The following TMCC1 variants were observed in gnomAD, a reference collection of about 807,000 sequenced individuals.
TMCC1 encodes transmembrane and coiled-coil domains protein 1.
Under a neutral mutation model 52.4 loss-of-function variants are expected in TMCC1, and 15 were observed. The ratio of observed to expected loss-of-function variants is 0.29; its 90% confidence interval spans 0.19 to 0.44. The LOEUF (loss-of-function observed/expected upper bound fraction) is 0.44. Ranked by LOEUF, TMCC1 falls within the 20% of genes least tolerant of loss-of-function variation. The probability of loss-of-function intolerance (pLI) is 1.00; values close to 1 mark genes in which losing one functional copy is unlikely to be tolerated. For synonymous variants in TMCC1, 279 were observed against 301.9 expected, an observed-to-expected ratio of 0.92 and a Z score of 0.79; for missense variants, 503 against 806.0, an observed-to-expected ratio of 0.62 and a Z score of 4.55.
intron 4 of TMCC1, among the ~76,000 whole-genome samples, chr3:129,676,266 A>T (rs1258746350): frequency 1.3e-5 from 2 of 152,148 alleles, no homozygotes; most frequent in African/African-American, 4.8e-5. Flanking sequence ...AGCTGATATT[A>T]GAATTTGTAA....
chr3:129,732,079 G>A (rs991842989), intron 4 of TMCC1, among the ~76,000 whole-genome samples: 1 of 152,152 alleles, frequency 6.6e-6, no homozygotes, highest in Non-Finnish European at 1.5e-5. Flanking sequence ...AATATTTTGT[G>A]TAGACTGGCA....
chr3:129,889,573 ACT>A (rs1186401038), intron 1 of TMCC1, among the ~76,000 whole-genome samples: 4 of 152,164 alleles, frequency 2.6e-5, no homozygotes, highest in Admixed American at 6.5e-5. Context: ...ATAGGCAGGA[ACT>A]CTGCAGTATC....
chr3:129,875,490 C>CAAAAAA (rs370431347), intron 2 of TMCC1, among the ~76,000 whole-genome samples: 7 of 17,316 alleles, frequency 4.0e-4, no homozygotes, highest in African/African-American at 8.1e-4. Context: ...GACTCCATCT[C>CAAAAAA]AAAAAAAAAA....
rs949284198 is a variant in TMCC1 at position 129,648,654 on chromosome 3, G to A, written c.*2827C>T. 2.0e-5 allele frequency: 3 copies of A among 151,406 alleles called. No individual in the cohort carries two copies. Among genetic ancestry groups the A allele is most frequent in the African/African-American group, 4.8e-5 (2 of 41,288 alleles). 9.4% of individuals were successfully genotyped at this position (151,406 alleles called of 1,614,324 possible). ...AGGCATGGACAAATAAACCAGGAAT[G>A]TTTCATTTTAAAGGGAATGAATACA... On this transcript the variant is annotated 3_prime_UTR_variant, in exon 7 of 7. Coordinates refer to ENST00000393238, the MANE Select transcript of TMCC1 (RefSeq NM_001017395.5).
chr3:129,836,542 G>C (rs73866136), intron 2 of TMCC1, among the ~76,000 whole-genome samples: 1,879 of 152,280 alleles, frequency 0.012, 30 homozygotes, highest in African/African-American at 0.043. Context: ...GGTTCAAAAA[G>C]AGCTGGGAGG....
chr3:129,738,748 T>C (rs1261462689), intron 4 of TMCC1, among the ~76,000 whole-genome samples: 2 of 152,246 alleles, frequency 1.3e-5, no homozygotes, highest in Non-Finnish European at 1.5e-5. Flanking sequence ...AAGAATAGAA[T>C]TTATCTCCAC....
chr3:129,687,307 A>C (rs2108938470), intron 4 of TMCC1, among the ~76,000 whole-genome samples: 1 of 152,346 alleles, frequency 6.6e-6, no homozygotes, highest in East Asian at 1.9e-4. Flanking sequence ...TAGAAAAAAA[A>C]CATAAGAAAT....
chr3:129,667,354 T>C (rs1038041503), intron 5 of TMCC1, among the ~76,000 whole-genome samples: 6 of 152,120 alleles, frequency 3.9e-5, no homozygotes, highest in Admixed American at 1.3e-4. Flanking sequence ...GAAATCTCTA[T>C]CTGCTTTATA....
rs143795995 is a variant in TMCC1 at position 129,697,803 on chromosome 3, C to T, written c.577-26539G>A. 1.1e-4 allele frequency among the ~76,000 whole-genome samples: 16 copies of T among 152,316 alleles called. No individual in the cohort carries two copies. The East Asian group carries it at 3.1e-3, about 29-fold the overall frequency. ...TAACACATAACAAGAGTCACCTTTG[C>T]TCTCGTTGTCAACAAGTTCCTCATC... On this transcript the variant is annotated intron_variant, in intron 4 of 6. Transcript: ENST00000393238.
rs144793107 is a variant in TMCC1, at chr3:129,726,800, C to T, written c.577-55536G>A. 2.6e-3 allele frequency among the ~76,000 whole-genome samples: 350 copies of T among 134,146 alleles called. 3 individuals carry two copies. Among genetic ancestry groups the T allele is most frequent in the African/African-American group, 9.0e-3 (322 of 35,696 alleles). 88.0% of individuals were successfully genotyped at this position (134,146 alleles called of 152,430 possible). On this transcript the variant is annotated intron_variant, in intron 4 of 6. Coordinates refer to ENST00000393238, the MANE Select transcript of TMCC1 (RefSeq NM_001017395.5). ...AGGCTGAGGCAGAACTGCTTGAACCCAGAGGTTGCAGTGAGCTGAGATGGT... is the reference window on the plus strand; with the variant it reads ...AGGCTGAGGCAGAACTGCTTGAACCTAGAGGTTGCAGTGAGCTGAGATGGT...
In TMCC1 at chr3:129,828,516, T is replaced by A; in HGVS notation, c.-130-8A>T. 4 of 754,962 alleles carry A rather than the reference T, an allele frequency of 5.3e-6. No homozygotes were observed. The highest frequency in any genetic ancestry group is 8.3e-6 in the Non-Finnish European group (4 of 484,146). 46.8% of individuals were successfully genotyped at this position (754,962 alleles called of 1,614,324 possible). Reference sequence around the variant, plus strand: ...CGAAGGCTTCATGCCTATCTAATGTTAAAAACAAAAAAACAAAAAAACAAA... The same window carrying A: ...CGAAGGCTTCATGCCTATCTAATGTAAAAAACAAAAAAACAAAAAAACAAA... On this transcript the variant is annotated splice_polypyrimidine_tract_variant and splice_region_variant and intron_variant, in intron 3 of 6. Transcript: ENST00000393238. The surrounding 1 kb of genome is among the most constrained non-coding windows in gnomAD (Gnocchi z 4.1).
intron 4 of TMCC1, among the ~76,000 whole-genome samples, chr3:129,682,610 ACT>A (rs369895045): frequency 1.3e-5 from 2 of 151,670 alleles, no homozygotes; most frequent in African/African-American, 4.9e-5. Context: ...TACATAGATG[ACT>A]CTCTCTGTCT....
intron 1 of TMCC1, among the ~76,000 whole-genome samples, chr3:129,886,804 G>T (rs1039406512): frequency 1.3e-5 from 2 of 151,936 alleles, no homozygotes; most frequent in African/African-American, 4.8e-5. Context: ...CAGGTGTGGT[G>T]TGTGCACCTG....
chr3:129,716,386 G>A (rs1180918364), intron 4 of TMCC1, among the ~76,000 whole-genome samples: 1 of 140,792 alleles, frequency 7.1e-6, no homozygotes, highest in African/African-American at 2.6e-5. Context: ...TCAGGCTGGA[G>A]TGCAGTGGCG....
rs139884062 is a variant in TMCC1 at position 129,783,789 on chromosome 3, A to G, written c.576+44014T>C. The stretch of plus-strand genomic sequence containing the variant: ...AATTAAATGGTCTGTCTAAAATTAG[A>G]ATAGAAGAACTCCTCTACCTTGAAA... On this transcript the variant is annotated intron_variant, in intron 4 of 6. Transcript: ENST00000393238. 4.6e-5 allele frequency among the ~76,000 whole-genome samples: 7 copies of G among 152,364 alleles called. No homozygotes were observed. The East Asian group carries it at 1.3e-3, about 29-fold the overall frequency.
chr3:129,766,038 T>C (rs1169583164), intron 4 of TMCC1, among the ~76,000 whole-genome samples: 2 of 152,100 alleles, frequency 1.3e-5, no homozygotes, highest in South Asian at 2.1e-4. Flanking sequence ...AGAAGATCTG[T>C]AGAAAGATTA....
At chr3:129,682,776 T>C (rs1488948763) in intron 4 of TMCC1, among the ~76,000 whole-genome samples, 1 of 152,224 alleles carries the variant, frequency 6.6e-6, no homozygotes, top group Non-Finnish European at 1.5e-5. Flanking sequence ...GTTTTCATCC[T>C]TTTTCCAGTA....
intron 2 of TMCC1, among the ~76,000 whole-genome samples, chr3:129,843,202 C>T (rs1205085858): frequency 3.3e-5 from 5 of 151,982 alleles, no homozygotes; most frequent in Admixed American, 6.6e-5. Context: ...AAAAAATTAG[C>T]CGGGCGTGGT....
At chr3:129,881,305 T>C (rs923840320) in intron 1 of TMCC1, among the ~76,000 whole-genome samples, 1 of 152,198 alleles carries the variant, frequency 6.6e-6, no homozygotes, top group Non-Finnish European at 1.5e-5. Context: ...CTCTCTCTGA[T>C]AATAGTAAAG....
Sources: gnomAD v4.1 joint callset for allele counts (sites outside exome capture counted in the v4.1 genomes callset) on GRCh38, gnomAD v4.1.1 for gene constraint, Gnocchi (gnomAD v3.1) non-coding constraint, MANE v1.5 for transcripts, NCBI Gene and HGNC (gene_info 2026-07-23, HGNC 2026-07-21) for gene names.